The following SLC44A5 variants were observed in gnomAD, a reference collection of about 807,000 sequenced individuals.
SLC44A5 encodes the protein solute carrier family 44 member 5.
A neutral mutation model predicts 101.8 loss-of-function variants in SLC44A5; 57 were observed. The observed-to-expected ratio is 0.56, with a 90% CI of 0.45 to 0.70. The LOEUF (loss-of-function observed/expected upper bound fraction) is 0.70, where lower values mean the gene tolerates loss of function less well. Among genes scored for constraint, SLC44A5 ranks in the 30% least tolerant of loss-of-function variants. The probability of loss-of-function intolerance (pLI) is 0.00; values close to 1 mark genes in which losing one functional copy is unlikely to be tolerated. For synonymous variants in SLC44A5, 281 were observed against 290.9 expected, an observed-to-expected ratio of 0.97 and a Z score of 0.35; for missense variants, 737 against 853.1, an observed-to-expected ratio of 0.86 and a Z score of 1.70.
At chr1:75,515,309 A>C (rs1669769743) in intron 2 of SLC44A5, among the ~76,000 whole-genome samples, 1 of 152,144 alleles carries the variant, frequency 6.6e-6, no homozygotes, top group African/African-American at 2.4e-5. Flanking sequence ...ACTCTTAGCA[A>C]TTTTGAAATA....
intron 5 of SLC44A5, among the ~76,000 whole-genome samples, chr1:75,297,962 A>AAC (rs1220022448): frequency 2.0e-5 from 3 of 152,230 alleles, no homozygotes; most frequent in Admixed American, 2.0e-4. Flanking sequence ...AACAAAACAA[A>AAC]AACAACAACA....
At chr1:75,621,516 C>T in the SLC44A5 span, among the ~76,000 whole-genome samples, 1 of 152,012 alleles carries the variant, frequency 6.6e-6, no homozygotes, top group Non-Finnish European at 1.5e-5. Flanking sequence ...TATGTTAGTG[C>T]AATTGCAGTG....
chr1:75,407,659 T>G (rs557341082), intron 2 of SLC44A5, among the ~76,000 whole-genome samples: 1 of 152,228 alleles, frequency 6.6e-6, no homozygotes, highest in Non-Finnish European at 1.5e-5. Flanking sequence ...GCTAGCCATA[T>G]GCAGAAAAGT....
chr1:75,434,061 C>A (rs919584567), intron 2 of SLC44A5, among the ~76,000 whole-genome samples: 7 of 152,080 alleles, frequency 4.6e-5, no homozygotes, highest in Non-Finnish European at 1.0e-4. Flanking sequence ...ATGGGAGCTA[C>A]AATTCAAGAT....
chr1:75,415,835 T>C (rs1663606010), intron 2 of SLC44A5, among the ~76,000 whole-genome samples: 1 of 152,236 alleles, frequency 6.6e-6, no homozygotes, highest in Non-Finnish European at 1.5e-5. Flanking sequence ...GGCCTAGAGA[T>C]TTATGGAACT....
the SLC44A5 span, among the ~76,000 whole-genome samples, chr1:75,652,635 A>T: frequency 6.6e-6 from 1 of 152,130 alleles, no homozygotes; most frequent in Admixed American, 6.6e-5. Context: ...TCACTACAAG[A>T]TTTTACAAAT....
At chr1:75,525,902 T>C (rs570116593) in intron 2 of SLC44A5, among the ~76,000 whole-genome samples, 27 of 152,288 alleles carry the variant, frequency 1.8e-4, no homozygotes, top group African/African-American at 6.0e-4. Flanking sequence ...AGGTAATGAG[T>C]ATACAAGCGT....
chr1:75,342,855 A>T (rs1474195869), intron 3 of SLC44A5, among the ~76,000 whole-genome samples: 1 of 152,144 alleles, frequency 6.6e-6, no homozygotes, highest in East Asian at 1.9e-4. Context: ...TTTATTTTTC[A>T]GTTGAAAATA....
chr1:75,389,513 A>G (rs1661641355), intron 3 of SLC44A5, among the ~76,000 whole-genome samples: 1 of 152,200 alleles, frequency 6.6e-6, no homozygotes, highest in South Asian at 2.1e-4. Context: ...ATCAACGCCA[A>G]GAGGATTTCT....
intron 2 of SLC44A5, among the ~76,000 whole-genome samples, chr1:75,540,249 AT>A (rs1255238509): frequency 6.6e-6 from 1 of 152,192 alleles, no homozygotes; most frequent in Non-Finnish European, 1.5e-5. Context: ...GATAATTATT[AT>A]TGTTATTTTT....
At chr1:75,338,701 A>G (rs1657636463) in intron 4 of SLC44A5, among the ~76,000 whole-genome samples, 1 of 152,200 alleles carries the variant, frequency 6.6e-6, no homozygotes, top group South Asian at 2.1e-4. Flanking sequence ...GAAACAAATG[A>G]CTTGTTTTTT....
At chr1:75,470,562 G>A (rs968156008) in intron 2 of SLC44A5, among the ~76,000 whole-genome samples, 2 of 152,274 alleles carry the variant, frequency 1.3e-5, no homozygotes. Context: ...ATGGAAGCAC[G>A]CAGGAGGGGC....
chr1:75,452,068 C>A (rs1365624330), intron 2 of SLC44A5, among the ~76,000 whole-genome samples: 2 of 152,048 alleles, frequency 1.3e-5, no homozygotes, highest in Non-Finnish European at 2.9e-5. Context: ...AGATACTATA[C>A]AAAACAAACC....
the SLC44A5 span, among the ~76,000 whole-genome samples, chr1:75,673,466 G>A: frequency 6.6e-6 from 1 of 151,432 alleles, no homozygotes; most frequent in African/African-American, 2.4e-5. Context: ...CAGCATCACT[G>A]GACCTACTAG....
intron 4 of SLC44A5, among the ~76,000 whole-genome samples, chr1:75,324,005 C>T (rs1656385460): frequency 6.6e-6 from 1 of 152,194 alleles, no homozygotes; most frequent in East Asian, 1.9e-4. Flanking sequence ...TTAAGCAGAA[C>T]ATTTTCATTT....
At chr1:75,576,470 C>A (rs211756) in intron 1 of SLC44A5, among the ~76,000 whole-genome samples, 1 of 151,930 alleles carries the variant, frequency 6.6e-6, no homozygotes. Context: ...CCCGCCACCA[C>A]GCCCGGCTAA....
intron 4 of SLC44A5, among the ~76,000 whole-genome samples, chr1:75,306,733 C>CTTTTTTTTTTTTTTTTTTTTT (rs771955227): frequency 1.9e-5 from 2 of 102,588 alleles, no homozygotes; most frequent in African/African-American, 4.2e-5. Flanking sequence ...GGTTTCCTTT[C>CTTTTTTTTTTTTTTTTTTTTT]TTTTTTTTTT....
chr1:75,243,889 T>G (rs1337107648), intron 7 of SLC44A5, among the ~76,000 whole-genome samples: 1 of 152,062 alleles, frequency 6.6e-6, no homozygotes, highest in Non-Finnish European at 1.5e-5. Flanking sequence ...CTCCTTGTTC[T>G]TGTGATGATG....
At chr1:75,677,397 A>C in the SLC44A5 span, among the ~76,000 whole-genome samples, 1 of 152,214 alleles carries the variant, frequency 6.6e-6, no homozygotes, top group Admixed American at 6.5e-5. Context: ...GCAATCAGTG[A>C]TAAGTTGTTA....
Sources: allele counts gnomAD v4.1 joint callset (sites outside exome capture counted in the v4.1 genomes callset), GRCh38; gene constraint gnomAD v4.1.1; transcripts MANE v1.5; gene names NCBI Gene and HGNC (gene_info 2026-07-23, HGNC 2026-07-21).